The following OXR1 variants were observed in gnomAD, a reference collection of about 807,000 sequenced individuals.
The protein encoded by OXR1 is oxidation resistance 1.
OXR1 carries 41 observed loss-of-function variants against 104.6 expected under a neutral mutation model. That is an observed-to-expected ratio of 0.39 (90% CI 0.31 to 0.51). The LOEUF (loss-of-function observed/expected upper bound fraction) is 0.51, where lower values mean the gene tolerates loss of function less well. Among genes scored for constraint, OXR1 ranks in the 20% least tolerant of loss-of-function variants. The pLI is 0.77. For synonymous variants in OXR1, 348 were observed against 348.4 expected, an observed-to-expected ratio of 1.00 and a Z score of 0.01; for missense variants, 955 against 1,031.9, an observed-to-expected ratio of 0.93 and a Z score of 1.02.
At chr8:106,444,797 C>T (rs1312774682) in intron 2 of OXR1, among the ~76,000 whole-genome samples, 1 of 151,928 alleles carries the variant, frequency 6.6e-6, no homozygotes, top group South Asian at 2.1e-4. Flanking sequence ...ACATGTATCC[C>T]ATTTTTTAAA....
intron 2 of OXR1, among the ~76,000 whole-genome samples, chr8:106,443,332 A>G (rs1670393): frequency 0.52 from 79,124 of 151,754 alleles, 23,878 homozygotes; most frequent in African/African-American, 0.83. Context: ...TTCCAACTAT[A>G]AGGTTGATTT....
At chr8:106,428,002 C>T (rs1008865296) in intron 2 of OXR1, among the ~76,000 whole-genome samples, 11 of 152,030 alleles carry the variant, frequency 7.2e-5, no homozygotes, top group East Asian at 1.9e-4. Flanking sequence ...TGCCTAATAC[C>T]GAGGAACAAA....
In OXR1 at chr8:106,422,324, T is replaced by G. The variant is rs1395893575; in HGVS notation, c.23+62688T>G. On this transcript the variant is annotated intron_variant, in intron 2 of 16. Coordinates refer to ENST00000517566, the MANE Select transcript of OXR1 (RefSeq NM_001198533.2). ...AGTATATATTACACACATTTATTAT[T>G]TAAAAGACATGTGATCCCAATGGGA... 2.6e-5 allele frequency among the ~76,000 whole-genome samples: 4 copies of G among 152,280 alleles called. No individual in the cohort carries two copies. The East Asian group carries it at 5.8e-4, about 22-fold the overall frequency.
At chr8:106,594,160 T>C (rs1586865559) in intron 3 of OXR1, among the ~76,000 whole-genome samples, 1 of 152,160 alleles carries the variant, frequency 6.6e-6, no homozygotes, top group Non-Finnish European at 1.5e-5. Context: ...AAGTAAAATA[T>C]AAGGGTGTAT....
chr8:106,667,051 T>A (rs975263400), intron 3 of OXR1, among the ~76,000 whole-genome samples: 1 of 152,206 alleles, frequency 6.6e-6, no homozygotes, highest in East Asian at 1.9e-4. Context: ...TACCATATTA[T>A]ACAAGGCAGA....
chr8:106,715,877 TG>T (rs1832196238), intron 11 of OXR1, among the ~76,000 whole-genome samples: 1 of 152,188 alleles, frequency 6.6e-6, no homozygotes, highest in Non-Finnish European at 1.5e-5. Flanking sequence ...CCGGAATTGG[TG>T]CAGTTCAAAA....
At chr8:106,286,526 A>T (rs3019303) in intron 1 of OXR1, among the ~76,000 whole-genome samples, 45,247 of 151,642 alleles carry the variant, frequency 0.3, 6,981 homozygotes, top group East Asian at 0.56. Context: ...AAGAGTTTGT[A>T]AGTGAGACCA....
At chr8:106,595,750 C>T (rs1281345387) in intron 3 of OXR1, among the ~76,000 whole-genome samples, 1 of 152,042 alleles carries the variant, frequency 6.6e-6, no homozygotes, top group East Asian at 1.9e-4. Flanking sequence ...AGAGATGCAG[C>T]ATATCCCATA....
chr8:106,298,167 A>G (rs1034717546), intron 1 of OXR1, among the ~76,000 whole-genome samples: 1 of 152,208 alleles, frequency 6.6e-6, no homozygotes, highest in African/African-American at 2.4e-5. Flanking sequence ...TCCTTACAAT[A>G]GGAATCTGTA....
intron 2 of OXR1, among the ~76,000 whole-genome samples, chr8:106,500,344 T>C (rs1032763459): frequency 6.6e-6 from 1 of 152,212 alleles, no homozygotes; most frequent in Non-Finnish European, 1.5e-5. Context: ...AAAAATCAAC[T>C]CATGACTTAG....
intron 2 of OXR1, among the ~76,000 whole-genome samples, chr8:106,503,360 GC>G (rs1811935007): frequency 6.6e-6 from 1 of 152,156 alleles, no homozygotes; most frequent in African/African-American, 2.4e-5. Context: ...TCAAAATGAG[GC>G]ATGAGCCCAC....
At chr8:106,526,424 T>C (rs984292554) in intron 3 of OXR1, among the ~76,000 whole-genome samples, 11 of 152,204 alleles carry the variant, frequency 7.2e-5, no homozygotes, top group Non-Finnish European at 1.3e-4. Context: ...CAAGAGGAGG[T>C]ATCCAGATGT....
intron 2 of OXR1, among the ~76,000 whole-genome samples, chr8:106,459,083 A>T (rs1458150773): frequency 6.6e-6 from 1 of 152,062 alleles, no homozygotes. Context: ...GCACTGTTAG[A>T]AGGACATAAA....
intron 4 of OXR1, among the ~76,000 whole-genome samples, chr8:106,680,498 TG>T (rs1442054254): frequency 4.6e-5 from 7 of 152,178 alleles, no homozygotes; most frequent in Non-Finnish European, 1.0e-4. Flanking sequence ...TCCTCTATTT[TG>T]TTTCTCCAGA....
chr8:106,362,041 C>T (rs1816268651), intron 2 of OXR1, among the ~76,000 whole-genome samples: 1 of 152,130 alleles, frequency 6.6e-6, no homozygotes, highest in Non-Finnish European at 1.5e-5. Flanking sequence ...ATACACCTGT[C>T]AATAGAGGAT....
At chr8:106,595,379 G>A (rs930682087) in intron 3 of OXR1, among the ~76,000 whole-genome samples, 25 of 151,698 alleles carry the variant, frequency 1.6e-4, no homozygotes, top group African/African-American at 4.8e-4. Context: ...GCGAAACCCC[G>A]TCTCTACTAA....
chr8:106,539,958 A>G (rs1814825929), intron 3 of OXR1, among the ~76,000 whole-genome samples: 1 of 152,212 alleles, frequency 6.6e-6, no homozygotes, highest in South Asian at 2.1e-4. Flanking sequence ...AAAAAATAAT[A>G]TTTATATAAT....
intron 3 of OXR1, among the ~76,000 whole-genome samples, chr8:106,602,313 G>C (rs1820033800): frequency 6.6e-6 from 1 of 152,216 alleles, no homozygotes; most frequent in South Asian, 2.1e-4. Context: ...ACTGGAGAGG[G>C]ACAAGAGTAG....
At position 106,603,752 on chromosome 8, in the gene OXR1, C is replaced by T. The variant is rs559151773; in HGVS notation, c.221-75458C>T. 1.2e-4 allele frequency among the ~76,000 whole-genome samples: 18 copies of T among 152,230 alleles called. No homozygotes were observed. In the East Asian group the frequency reaches 1.4e-3, roughly 11 times the overall value. ...CTTAGAAAGCAAGTCTGTAAAATTG[C>T]TTTAAAAATCAAGAACAGGGCCGGG... On this transcript the variant is annotated intron_variant, in intron 3 of 16. Transcript: ENST00000517566.
Sources: gnomAD v4.1 joint callset for allele counts (sites outside exome capture counted in the v4.1 genomes callset) on GRCh38, gnomAD v4.1.1 for gene constraint, MANE v1.5 for transcripts, NCBI Gene and HGNC (gene_info 2026-07-23, HGNC 2026-07-21) for gene names.